Variants in NOP14 observed in about 807,000 individuals in gnomAD.
NOP14 encodes the protein NOP14 nucleolar protein.
In NOP14, 57 loss-of-function variants were observed where a neutral mutation model predicts 101.6. That is an observed-to-expected ratio of 0.56 (90% CI 0.45 to 0.70). The LOEUF is 0.70. NOP14 is among the 30% of genes least tolerant of loss of function. The probability of loss-of-function intolerance (pLI) is 0.00; values close to 1 mark genes in which losing one functional copy is unlikely to be tolerated. For missense variants in NOP14, 1,134 were observed against 1,075.5 expected (o/e 1.05, Z -0.76); for synonymous variants, 428 against 424.0 (o/e 1.01, Z -0.12).
chr4:2,963,100 G>GGCTCCCCGTGC, intron 1 of NOP14, 25 bp downstream of exon 1: 1 of 1,514,876 alleles, frequency 6.6e-7, no homozygotes, highest in Non-Finnish European at 8.8e-7. Flanking sequence ...CCTGCCTTCC[G>GGCTCCCCGTGC]GCTCCCCGTG....
At chr4:2,946,689 T>C in intron 10 of NOP14, 142 bp from the exon 11 acceptor site, 1 of 706,832 alleles carries the variant, frequency 1.4e-6, no homozygotes, top group Non-Finnish European at 2.4e-6. Context: ...AACAGCATTC[T>C]TAAGAGTCTA....
intron 8 of NOP14, 48 bp from the exon 9 acceptor site, chr4:2,948,456 T>C (rs1714805440): frequency 2.2e-6 from 3 of 1,367,898 alleles, no homozygotes; most frequent in Non-Finnish European, 2.9e-6. Flanking sequence ...TATATATATG[T>C]ATATATATTT....
intron 17 of NOP14, 102 bp from the exon 18 acceptor site, chr4:2,939,032 G>A (rs932299420): frequency 3.4e-5 from 50 of 1,473,230 alleles, no homozygotes; most frequent in South Asian, 6.9e-5. Flanking sequence ...CCGTGGCCAC[G>A]TTCAGTTCAA....
intron 2 of NOP14, 38 bp downstream of exon 2, chr4:2,957,568 A>G: frequency 1.2e-6 from 2 of 1,610,178 alleles, no homozygotes; most frequent in Non-Finnish European, 1.7e-6. Flanking sequence ...TCCCTGTGAA[A>G]TGTACAGCAA....
At chr4:2,942,046 G>T (rs1162705183) in intron 14 of NOP14, 146 bp downstream of exon 14, 2 of 742,648 alleles carry the variant, frequency 2.7e-6, no homozygotes, top group Non-Finnish European at 4.5e-6. Flanking sequence ...AAGCCAACAT[G>T]CCTCAGAAAG....
At chr4:2,962,988 A>G in intron 1 of NOP14, 137 bp downstream of exon 1, 1 of 849,126 alleles carries the variant, frequency 1.2e-6, no homozygotes, top group African/African-American at 1.8e-5. Context: ...CTTTCGGACT[A>G]TCAAGTCAGT....
rs559786257 is a variant in NOP14, at chr4:2,938,183, G to A, written c.*648C>T. On this transcript the variant is annotated 3_prime_UTR_variant, in exon 18 of 18. Coordinates refer to ENST00000416614, the MANE Select transcript of NOP14 (RefSeq NM_001291978.2). Reference sequence around the variant, plus strand: ...AAACAAAACCGCAGGCAGCGGGTGGGGGGAGCTGGAGGTTGGAATCACACC... The same window carrying A: ...AAACAAAACCGCAGGCAGCGGGTGGAGGGAGCTGGAGGTTGGAATCACACC... 108 of 1,286,708 alleles carry A rather than the reference G, an allele frequency of 8.4e-5. 1 individual carries two copies. In the Middle Eastern group the frequency reaches 1.3e-3, roughly 15 times the overall value. The allele number at this position is 1,286,708 out of a possible 1,614,324, so 79.7% of individuals were successfully genotyped here. A position where few individuals can be genotyped will look rare whatever the true frequency, so the allele number is the denominator to read the frequency against.
chr4:2,955,620 G>C (rs983158674), intron 3 of NOP14, among the ~76,000 whole-genome samples: 1 of 152,194 alleles, frequency 6.6e-6, no homozygotes, highest in Non-Finnish European at 1.5e-5. Context: ...TGAGGGGAAG[G>C]CCACTCGCCC....
In NOP14 at chr4:2,963,327, G is replaced by C. The variant is rs766720001; in HGVS notation, c.-8C>G. On this transcript the variant is annotated 5_prime_UTR_variant, in exon 1 of 18. Transcript: ENST00000416614. ...CTTCTTCGCCTTCGCCATGGCGCGC[G>C]CCCCGCTGCGCCCAAGGGCCCGAGA... 18 of 1,561,724 alleles carry C rather than the reference G, an allele frequency of 1.2e-5. No homozygotes were observed. Among genetic ancestry groups the C allele is most frequent in the Non-Finnish European group, 1.6e-5 (18 of 1,159,218 alleles).
intron 1 of NOP14, among the ~76,000 whole-genome samples, chr4:2,959,971 CT>C (rs140387036): frequency 0.049 from 7,117 of 145,232 alleles, 163 homozygotes; most frequent in Non-Finnish European, 0.071. Context: ...ACACTGAGAC[CT>C]TTTTTTTTTT....
At chr4:2,942,405 GC>G in intron 13 of NOP14, 54 bp from the exon 14 acceptor site, 1 of 1,562,206 alleles carries the variant, frequency 6.4e-7, no homozygotes, top group Non-Finnish European at 8.8e-7. Flanking sequence ...TGGGCTCCCA[GC>G]AGGCTCTGCG....
chr4:2,952,199 C>T, intron 6 of NOP14, 76 bp downstream of exon 6: 1 of 1,514,550 alleles, frequency 6.6e-7, no homozygotes, highest in Non-Finnish European at 9.0e-7. Context: ...CTCTTCAGCC[C>T]ATCCTGCAAA....
intron 1 of NOP14, chr4:2,961,812 T>C (rs1715955573): frequency 6.6e-6 from 1 of 152,214 alleles, no homozygotes; most frequent in Non-Finnish European, 1.5e-5. Context: ...TTTCTTCAAA[T>C]ATTTGTGTTT....
intron 9 of NOP14, among the ~76,000 whole-genome samples, chr4:2,947,968 C>T (rs1714768065): frequency 6.6e-6 from 1 of 150,480 alleles, no homozygotes; most frequent in South Asian, 2.1e-4. Context: ...TCTGCCACAG[C>T]AAAGTCTGGC....
chr4:2,957,327 C>G (rs372297123), intron 2 of NOP14, among the ~76,000 whole-genome samples: 11 of 152,322 alleles, frequency 7.2e-5, no homozygotes, highest in African/African-American at 2.4e-4. Flanking sequence ...TAAATAAGCC[C>G]AGGGGCCAGT....
At chr4:2,963,072 G>A in intron 1 of NOP14, 53 bp downstream of exon 1, 1 of 1,452,314 alleles carries the variant, frequency 6.9e-7, no homozygotes, top group Non-Finnish European at 9.1e-7. Context: ...CCGGCCGAGA[G>A]CAGCGTGGGG....
Position 2,948,363 on chromosome 4 carries a change from G to A in NOP14, c.1328C>T (p.Ser443Leu), listed in dbSNP as rs148438590. Residue 443 changes from serine to leucine, a missense_variant, in exon 9 of 18, where the codon TCG becomes TTG. By Grantham distance (145) the Ser-to-Leu change is moderately radical (BLOSUM62 -2). Coordinates refer to ENST00000416614, the MANE Select transcript of NOP14 (RefSeq NM_001291978.2). Reference protein sequence around the residue: ...EELRSLLLGRSMEEQLLVVER... With the variant: ...EELRSLLLGRLMEEQLLVVER... ...CACCACCAAAAGCTGCTCTTCCATCGATCTTCCTAACAACAGAGATCTCAG... is the reference window on the plus strand; with the variant it reads ...CACCACCAAAAGCTGCTCTTCCATCAATCTTCCTAACAACAGAGATCTCAG... 2.0e-5 allele frequency: 33 copies of A among 1,612,670 alleles called. No individual in the cohort carries two copies. In the South Asian group the frequency reaches 2.9e-4, roughly 14 times the overall value.
At position 2,938,924 on chromosome 4, in the gene NOP14, C is replaced by T. The variant is rs142100620; in HGVS notation, c.2481G>A (p.Ala827=). ...GCTGCTTTACTTTCCGCTTTCTTTC[C>T]GCATCCCTAAAAGAAACAAAAGGCA... ...MQLSEIMERD[A]ERKRKVKQLF... Residue 827 remains alanine, a synonymous_variant, in exon 18 of 18, where the codon GCG becomes GCA. Coordinates refer to ENST00000416614, the MANE Select transcript of NOP14 (RefSeq NM_001291978.2). 4.5e-5 allele frequency: 72 copies of T among 1,613,770 alleles called. No homozygotes were observed. The highest frequency in any genetic ancestry group is 1.8e-4 in the Admixed American group (11 of 60,014).
intron 1 of NOP14, among the ~76,000 whole-genome samples, chr4:2,962,374 G>T (rs959316681): frequency 2.6e-5 from 4 of 152,216 alleles, no homozygotes. Flanking sequence ...TCTTCGCGCA[G>T]TAAGGATAAT....
Sources: allele counts gnomAD v4.1 joint callset (sites outside exome capture counted in the v4.1 genomes callset), GRCh38; gene constraint gnomAD v4.1.1; transcripts MANE v1.5; gene names NCBI Gene and HGNC (gene_info 2026-07-23, HGNC 2026-07-21).